Variants in ARFGEF1 observed in about 807,000 individuals in gnomAD.
ARFGEF1 encodes the protein brefeldin A-inhibited guanine nucleotide-exchange protein 1.
Under a neutral mutation model 231.0 loss-of-function variants are expected in ARFGEF1, and 42 were observed. The observed-to-expected ratio is 0.18, with a 90% CI of 0.14 to 0.24. The LOEUF (loss-of-function observed/expected upper bound fraction) is 0.24. ARFGEF1 is among the 10% of genes least tolerant of loss of function. The pLI is 1.00. For synonymous variants in ARFGEF1, 710 were observed against 732.3 expected (o/e 0.97, Z 0.49); for missense variants, 1,345 against 2,192.0 (o/e 0.61, Z 7.72).
intron 19 of ARFGEF1, among the ~76,000 whole-genome samples, chr8:67,241,687 C>A (rs1199515269): frequency 6.6e-6 from 1 of 152,068 alleles, no homozygotes; most frequent in East Asian, 1.9e-4. Context: ...AATCATCCCC[C>A]ATGCAGGAAC....
rs901762154 is a variant in ARFGEF1 at position 67,343,371 on chromosome 8, G to A, written c.-84C>T. On this transcript the variant is annotated 5_prime_UTR_variant, in exon 1 of 39. Transcript: ENST00000262215. ...AGGAGGAGGAGAGGAAGGAAGAGAAGAGAGAAAGGAGAGGGGGTGGAGGTG... is the reference window on the plus strand; with the variant it reads ...AGGAGGAGGAGAGGAAGGAAGAGAAAAGAGAAAGGAGAGGGGGTGGAGGTG... 5.8e-5 allele frequency: 86 copies of A among 1,493,344 alleles called. No individual in the cohort carries two copies. Among genetic ancestry groups the A allele is most frequent in the Non-Finnish European group, 7.2e-5 (80 of 1,111,996 alleles). 92.5% of individuals were successfully genotyped at this position (1,493,344 alleles called of 1,614,324 possible).
chr8:67,196,344 G>A (rs1837935253), downstream of ARFGEF1: 1 of 151,446 alleles, frequency 6.6e-6, no homozygotes, highest in South Asian at 2.1e-4. Flanking sequence ...GTCAAGGACA[G>A]AGAGACTGGA....
At chr8:67,243,867 CAGA>C (rs1048999585) in intron 19 of ARFGEF1, among the ~76,000 whole-genome samples, 1 of 152,014 alleles carries the variant, frequency 6.6e-6, no homozygotes, top group African/African-American at 2.4e-5. Flanking sequence ...CAAGGTAACA[CAGA>C]AGAAATTCAG....
chr8:67,210,154 C>CAAAAA (rs59530693), intron 34 of ARFGEF1, among the ~76,000 whole-genome samples: 2 of 53,876 alleles, frequency 3.7e-5, no homozygotes, highest in African/African-American at 5.8e-5. Context: ...GACTCCGTCT[C>CAAAAA]AAAAAAAAAA....
intron 7 of ARFGEF1, among the ~76,000 whole-genome samples, chr8:67,284,726 A>G (rs1253994638): frequency 6.6e-6 from 1 of 152,130 alleles, no homozygotes; most frequent in Non-Finnish European, 1.5e-5. Context: ...ACTTAAGACT[A>G]ATTGTATGTT....
chr8:67,230,789 AC>A (rs1003646343), intron 23 of ARFGEF1, among the ~76,000 whole-genome samples: 1 of 152,090 alleles, frequency 6.6e-6, no homozygotes, highest in Non-Finnish European at 1.5e-5. Context: ...ATTTAACAAC[AC>A]ATAAAAAATT....
Position 67,224,996 on chromosome 8 carries a change from G to A in ARFGEF1, c.4115C>T (p.Ala1372Val), listed in dbSNP as rs1249402722. The change falls in exon 29 of 39, where the codon GCA becomes GTA. Residue 1372 changes from alanine (A) to valine (V), a missense_variant. Ala to Val is a moderately conservative substitution (Grantham distance 64). Transcript: ENST00000262215. ...TCTCACCCACACCCTGTCTTCAGGT[G>A]CTACGTTCATATCATCGCTTGTGTA... The part of the protein sequence containing the change: ...KEYTSDDMNV[A>V]PEDRVWVRGW... The A allele has an allele frequency of 7.5e-6, 12 of 1,605,450 alleles. No homozygotes were observed. The highest frequency in any genetic ancestry group is 5.6e-5 in the South Asian group (5 of 89,538).
intron 8 of ARFGEF1, 140 bp downstream of exon 8, chr8:67,277,142 A>G (rs985794567): frequency 2.4e-6 from 2 of 847,806 alleles, no homozygotes; most frequent in African/African-American, 1.7e-5. Context: ...AGGAAAAAAA[A>G]CCCCAAGTTT....
intron 14 of ARFGEF1, among the ~76,000 whole-genome samples, chr8:67,262,442 G>A (rs966259899): frequency 5.9e-5 from 9 of 152,216 alleles, no homozygotes; most frequent in African/African-American, 2.2e-4. Context: ...TTAAGATGCT[G>A]TGAACACTGG....
chr8:67,183,118 T>C (rs920643278), intron 5 of ARFGEF1, among the ~76,000 whole-genome samples: 3 of 152,254 alleles, frequency 2.0e-5, no homozygotes, highest in Non-Finnish European at 4.4e-5. Flanking sequence ...TAGCTCTTAA[T>C]GTTTAGATGC....
chr8:67,302,501 A>G, intron 1 of ARFGEF1, 35 bp from the exon 2 acceptor site: 1 of 1,502,538 alleles, frequency 6.7e-7, no homozygotes, highest in South Asian at 1.3e-5. Context: ...ACATTAGAAA[A>G]CTGGACAGCA....
intron 5 of ARFGEF1, chr8:67,179,774 T>C: frequency 1.2e-6 from 1 of 815,438 alleles, no homozygotes; most frequent in Non-Finnish European, 2.1e-6. Context: ...GGGAGAACAG[T>C]GTGGAAACTT....
At chr8:67,270,586 T>A (rs1287920160) in intron 10 of ARFGEF1, among the ~76,000 whole-genome samples, 1 of 151,210 alleles carries the variant, frequency 6.6e-6, no homozygotes, top group East Asian at 1.9e-4. Context: ...CCATACAACA[T>A]CACAACCAAA....
intron 17 of ARFGEF1, among the ~76,000 whole-genome samples, chr8:67,257,357 A>C (rs537306287): frequency 1.3e-5 from 2 of 152,306 alleles, no homozygotes; most frequent in African/African-American, 2.4e-5. Context: ...CTGGGATTAC[A>C]GGCGTTAGGT....
chr8:67,247,452 A>G (rs1002220869), intron 19 of ARFGEF1, among the ~76,000 whole-genome samples: 7 of 150,712 alleles, frequency 4.6e-5, no homozygotes, highest in African/African-American at 1.2e-4. Flanking sequence ...AAATTAATCA[A>G]TGTGATACAC....
chr8:67,329,544 A>G (rs919846308), intron 1 of ARFGEF1, among the ~76,000 whole-genome samples: 3 of 149,012 alleles, frequency 2.0e-5, no homozygotes, highest in African/African-American at 7.3e-5. Context: ...AAATAAATAA[A>G]TAAATAAATA....
chr8:67,195,601 C>T (rs756293613), downstream of ARFGEF1: 7 of 1,610,754 alleles, frequency 4.3e-6, no homozygotes, highest in Admixed American at 1.2e-4. Flanking sequence ...TAAAATAAAC[C>T]TGTACTGGAC....
At position 67,211,547 on chromosome 8, in the gene ARFGEF1, T is replaced by C; in HGVS notation, c.4755A>G (p.Pro1585=). The change falls in exon 34 of 39, where the codon CCA becomes CCG. Residue 1585 remains proline (P), a synonymous_variant. Transcript: ENST00000262215. ...CAGACGCAGAAACCAGTGGTGCTTGTGGTCTGTTATCCACAGACCTTGGTT... is the reference window on the plus strand; with the variant it reads ...CAGACGCAGAAACCAGTGGTGCTTGCGGTCTGTTATCCACAGACCTTGGTT... ...SIQPRSVDNR[P]QAPLVSASAV... is the part of the protein sequence containing the mutation. The C allele has an allele frequency of 6.3e-7, 1 of 1,594,214 alleles. No individual in the cohort carries two copies. Among genetic ancestry groups the C allele is most frequent in the South Asian group, 1.2e-5 (1 of 86,792 alleles).
intron 33 of ARFGEF1, among the ~76,000 whole-genome samples, chr8:67,212,639 CTT>C: frequency 6.6e-6 from 1 of 152,286 alleles, no homozygotes; most frequent in Non-Finnish European, 1.5e-5. Flanking sequence ...GAGTGCTTAG[CTT>C]TTGTTATTCT....
Sources: allele counts gnomAD v4.1 joint callset (sites outside exome capture counted in the v4.1 genomes callset), GRCh38; gene constraint gnomAD v4.1.1; transcripts MANE v1.5; gene names NCBI Gene and HGNC (gene_info 2026-07-23, HGNC 2026-07-21).